SBF2: variants seen among roughly 807,000 people sequenced by gnomAD.
SBF2 encodes the protein myotubularin-related protein 13.
Under a neutral mutation model 225.2 loss-of-function variants are expected in SBF2, and 112 were observed. The observed-to-expected ratio is 0.50, with a 90% confidence interval of 0.43 to 0.58. SBF2 has a LOEUF of 0.58. SBF2 is among the 20% of genes least tolerant of loss of function. The pLI, the probability that SBF2 is intolerant of heterozygous loss-of-function variation, is 0.00. For synonymous variants in SBF2, 763 were observed against 773.3 expected (o/e 0.99, Z 0.22); for missense variants, 1,996 against 2,206.2 (o/e 0.90, Z 1.91).
At chr11:10,146,450 C>T (rs1485137372) in intron 2 of SBF2, among the ~76,000 whole-genome samples, 3 of 151,630 alleles carry the variant, frequency 2.0e-5, no homozygotes, top group Non-Finnish European at 2.9e-5. Context: ...TGAACAAAGC[C>T]GACAAAAAAC....
chr11:10,043,223 T>G (rs1949722918), intron 2 of SBF2, among the ~76,000 whole-genome samples: 1 of 152,170 alleles, frequency 6.6e-6, no homozygotes, highest in South Asian at 2.1e-4. Flanking sequence ...TGGGTGCCAT[T>G]TCTGAGACCC....
At chr11:10,057,846 A>G (rs985200450) in intron 2 of SBF2, among the ~76,000 whole-genome samples, 2 of 152,150 alleles carry the variant, frequency 1.3e-5, no homozygotes, top group African/African-American at 4.8e-5. Context: ...CAACTGACCA[A>G]TAAGCCTAAG....
At position 9,853,618 on chromosome 11, in the gene SBF2, T is replaced by C; in HGVS notation, c.2458A>G (p.Thr820Ala). Residue 820 changes from threonine to alanine, a missense_variant, in exon 20 of 40, where the codon ACC becomes GCC. Transcript: ENST00000256190. ...DIANSVVRFI[T>A]RFIDKVCTES... ...GTACAAACTTTGTCAATAAATCGGG[T>C]AATGAACCGCACAACAGAATTGGCA... The C allele has an allele frequency of 1.2e-6, 2 of 1,613,966 alleles. No homozygotes were observed. The highest frequency in any genetic ancestry group is 1.7e-6 in the Non-Finnish European group (2 of 1,179,910).
chr11:10,039,145 T>A lies in SBF2; in HGVS notation c.279+3699A>T, dbSNP rs75893533. ...ATTCTGGATGGTGTATGTCCCTAAG[T>A]TCCCCCTCTTTAGGCTTCCAAATAA... On this transcript the variant is annotated intron_variant, in intron 3 of 39. Transcript: ENST00000256190. Among the ~76,000 whole-genome samples the A allele has an allele frequency of 6.0e-3, 912 of 152,032 alleles. 7 individuals are homozygous for A. Among genetic ancestry groups the A allele is most frequent in the African/African-American group, 0.021 (863 of 41,548 alleles).
chr11:10,157,838 A>G (rs561747270), intron 2 of SBF2, among the ~76,000 whole-genome samples: 1 of 152,350 alleles, frequency 6.6e-6, no homozygotes, highest in East Asian at 1.9e-4. Context: ...TCTGGAACAA[A>G]TGGACCTAAC....
At chr11:10,143,601 A>G (rs918580556) in intron 2 of SBF2, among the ~76,000 whole-genome samples, 2 of 152,228 alleles carry the variant, frequency 1.3e-5, no homozygotes, top group Non-Finnish European at 2.9e-5. Flanking sequence ...GGGTTCATAA[A>G]TTGGTAGATC....
intron 16 of SBF2, among the ~76,000 whole-genome samples, chr11:9,900,044 T>TTTAA (rs1445085946): frequency 5.7e-5 from 8 of 140,454 alleles, no homozygotes; most frequent in African/African-American, 1.9e-4. Context: ...TTTTTTTTTT[T>TTTAA]AAAAAAAAAA....
intron 1 of SBF2, among the ~76,000 whole-genome samples, chr11:10,210,012 G>A (rs963429933): frequency 6.6e-6 from 1 of 151,942 alleles, no homozygotes; most frequent in African/African-American, 2.4e-5. Context: ...AAATCAAGAA[G>A]GAAGGAAGGA....
chr11:9,989,055 T>TATATATATATATATATATATAC lies in SBF2; in HGVS notation c.1395+441_1395+442insGTATATATATATATATATATAT, dbSNP rs963608316. The stretch of plus-strand genomic sequence containing the variant: ...ACTGTGCCAAATATATATATATATA[T>TATATATATATATATATATATAC]ACATATGCATACATACACATACACA... On this transcript the variant is annotated intron_variant, in intron 13 of 39. Coordinates refer to ENST00000256190, the MANE Select transcript of SBF2 (RefSeq NM_030962.4). Among the ~76,000 whole-genome samples the TATATATATATATATATATATAC allele has an allele frequency of 2.7e-4, 38 of 142,712 alleles. 1 individual carries two copies. The highest frequency in any genetic ancestry group is 9.7e-4 in the Admixed American group (14 of 14,466). The allele number at this position is 142,712 out of a possible 152,430, so 93.6% of individuals were successfully genotyped here.
intron 38 of SBF2, among the ~76,000 whole-genome samples, chr11:9,782,014 G>A (rs746436844): frequency 1.9e-4 from 29 of 151,820 alleles, no homozygotes; most frequent in Non-Finnish European, 1.3e-4. Flanking sequence ...GTGAAACCCC[G>A]TCTCTACAAA....
chr11:10,304,666 C>T (rs1964632117), exon 1 of SBF2: 1 of 152,324 alleles, frequency 6.6e-6, no homozygotes, highest in Non-Finnish European at 1.5e-5. Context: ...CTCCCCAGGT[C>T]CAGGGCTCGG....
intron 1 of SBF2, among the ~76,000 whole-genome samples, chr11:10,267,275 C>T (rs901455251): frequency 6.6e-6 from 1 of 151,344 alleles, no homozygotes; most frequent in Admixed American, 6.6e-5. Context: ...CTGTCTACAC[C>T]CAGACTTTAA....
chr11:9,841,212 ATCAAT>A (rs1856113076), intron 25 of SBF2, among the ~76,000 whole-genome samples: 1 of 152,204 alleles, frequency 6.6e-6, no homozygotes, highest in Admixed American at 6.5e-5. Context: ...ATCATCAGGT[ATCAAT>A]TCTGTGTTGG....
At chr11:10,091,943 G>A (rs1018094204) in intron 2 of SBF2, among the ~76,000 whole-genome samples, 2 of 152,150 alleles carry the variant, frequency 1.3e-5, no homozygotes, top group African/African-American at 4.8e-5. Context: ...GAAGTTATCA[G>A]TACAATTTGG....
chr11:9,851,186 T>TA (rs1247842142), intron 21 of SBF2, among the ~76,000 whole-genome samples: 1 of 150,812 alleles, frequency 6.6e-6, no homozygotes, highest in Admixed American at 6.6e-5. Flanking sequence ...ATAGATTAGT[T>TA]AAAAAAGCAA....
chr11:10,169,961 T>A (rs1165520955), intron 2 of SBF2, among the ~76,000 whole-genome samples: 1 of 152,212 alleles, frequency 6.6e-6, no homozygotes, highest in Non-Finnish European at 1.5e-5. Flanking sequence ...ATATAACTGT[T>A]TGCCATTCAT....
chr11:10,178,035 A>G lies in SBF2; in HGVS notation c.141+15867T>C, dbSNP rs879714105. On this transcript the variant is annotated intron_variant, in intron 2 of 39. Transcript: ENST00000256190. ...ACAGAACAGAGCCCTCAGAAATAACACCACATATCTACAACTATCTGATCT... is the reference window on the plus strand; with the variant it reads ...ACAGAACAGAGCCCTCAGAAATAACGCCACATATCTACAACTATCTGATCT... 3.2e-3 allele frequency among the ~76,000 whole-genome samples: 469 copies of G among 144,760 alleles called. 10 individuals carry two copies. Among genetic ancestry groups the G allele is most frequent in the Admixed American group, 7.3e-3 (103 of 14,076 alleles). The allele number at this position is 144,760 out of a possible 152,430, so 95.0% of individuals were successfully genotyped here.
In SBF2 at chr11:9,839,528, G is replaced by A; in HGVS notation, c.3425C>T (p.Ala1142Val). Residue 1142 changes from alanine (A) to valine (V), a missense_variant, in exon 26 of 40, where the codon GCC becomes GTC. Ala to Val is a moderately conservative substitution (Grantham distance 64). Coordinates refer to ENST00000256190, the MANE Select transcript of SBF2 (RefSeq NM_030962.4). The stretch of plus-strand genomic sequence containing the variant: ...GCAGAGTGAATACATCCTGTTGGAG[G>A]CAGTAATTCTAAAATACTCGGGTCT... ...RSRPEYFRIT[A>V]SNRMYSLCRS... 1 of 1,614,148 alleles carries A rather than the reference G, an allele frequency of 6.2e-7. No individual in the cohort carries two copies.
intron 2 of SBF2, among the ~76,000 whole-genome samples, chr11:10,117,674 G>A (rs1042218017): frequency 2.6e-5 from 4 of 151,934 alleles, no homozygotes; most frequent in African/African-American, 9.7e-5. Flanking sequence ...GGGAGATGGG[G>A]AGGATTAATT....
Sources: gnomAD v4.1 joint callset for allele counts (sites outside exome capture counted in the v4.1 genomes callset) on GRCh38, gnomAD v4.1.1 for gene constraint, MANE v1.5 for transcripts, NCBI Gene and HGNC (gene_info 2026-07-23, HGNC 2026-07-21) for gene names.